The following ICE1 variants were observed in gnomAD, a reference collection of about 807,000 sequenced individuals.
ICE1 encodes the protein interactor of little elongation complex ELL subunit 1, also known as little elongation complex subunit 1.
Under a neutral mutation model 192.7 loss-of-function variants are expected in ICE1, and 64 were observed. That is an observed-to-expected ratio of 0.33 (90% CI 0.27 to 0.41). The LOEUF is 0.41. ICE1 is among the 10% of genes least tolerant of loss of function. The pLI is 1.00. For missense variants in ICE1, 2,708 were observed against 2,696.0 expected (o/e 1.00, Z -0.10); for synonymous variants, 1,010 against 984.5 (o/e 1.03, Z -0.49).
At chr5:5,443,348 G>A in intron 6 of ICE1, 104 bp downstream of exon 6, 1 of 604,890 alleles carries the variant, frequency 1.7e-6, no homozygotes, top group Non-Finnish European at 2.7e-6. Flanking sequence ...GGATTTCTTG[G>A]CCATAATTAG....
intron 1 of ICE1, among the ~76,000 whole-genome samples, chr5:5,429,143 A>C (rs1737619937): frequency 6.6e-6 from 1 of 152,136 alleles, no homozygotes; most frequent in African/African-American, 2.4e-5. Flanking sequence ...TTGTAACAGT[A>C]CTTGTGAAGT....
In ICE1 at chr5:5,447,414, A is replaced by C; in HGVS notation, c.425-13A>C. On this transcript the variant is annotated splice_polypyrimidine_tract_variant and intron_variant, in intron 7 of 18. Coordinates refer to ENST00000296564, the MANE Select transcript of ICE1 (RefSeq NM_015325.3). ...ATTATTTTTCTCTCCCTATTGCTTC[A>C]TTGGACTTAAAGAGGCTGCTGTCAA... The C allele has an allele frequency of 6.5e-7, 1 of 1,535,002 alleles. No homozygotes were observed. The highest frequency in any genetic ancestry group is 8.8e-7 in the Non-Finnish European group (1 of 1,134,118).
chr5:5,435,825 A>G (rs1019172893), intron 1 of ICE1, among the ~76,000 whole-genome samples: 2 of 151,842 alleles, frequency 1.3e-5, no homozygotes, highest in African/African-American at 4.8e-5. Flanking sequence ...GCCCACCAAC[A>G]CACCTGGCTA....
In ICE1 at chr5:5,422,927, C is replaced by T; in HGVS notation, c.12C>T (p.Gly4=). The T allele has an allele frequency of 6.9e-7, 1 of 1,442,620 alleles. No individual in the cohort carries two copies. The highest frequency in any genetic ancestry group is 2.4e-4 in the Middle Eastern group (1 of 4,178). 89.4% of individuals were successfully genotyped at this position (1,442,620 alleles called of 1,614,324 possible). Reference sequence around the variant, plus strand: ...CCGGCGGCGGCACCATGATGCCGGGCGAGACCCATTCGGCGGCGCCCGGGA... The same window carrying T: ...CCGGCGGCGGCACCATGATGCCGGGTGAGACCCATTCGGCGGCGCCCGGGA... MMP[G]ETHSAAPGTA... is the part of the protein sequence containing the mutation. Residue 4 remains glycine (G), a synonymous_variant, in exon 1 of 19, where the codon GGC becomes GGT. Transcript: ENST00000296564.
chr5:5,426,447 C>CAA (rs569904155), intron 1 of ICE1, among the ~76,000 whole-genome samples: 1,076 of 69,032 alleles, frequency 0.016, 23 homozygotes, highest in African/African-American at 0.046. Flanking sequence ...GACTCCGTCT[C>CAA]AAAAAAAAAA....
chr5:5,454,689 T>A, intron 11 of ICE1, 51 bp downstream of exon 11: 1 of 1,390,616 alleles, frequency 7.2e-7, no homozygotes, highest in Non-Finnish European at 1.0e-6. Context: ...GTACAGAGCT[T>A]AACCATAGGC....
At chr5:5,444,953 C>T (rs892522398) in intron 7 of ICE1, among the ~76,000 whole-genome samples, 2 of 152,062 alleles carry the variant, frequency 1.3e-5, no homozygotes, top group Non-Finnish European at 2.9e-5. Context: ...CTTTTTCCTC[C>T]CTTCATTGTG....
At position 5,460,848 on chromosome 5, in the gene ICE1, C is replaced by G. The variant is rs1738750288; in HGVS notation, c.1514C>G (p.Thr505Ser). 1 of 1,614,046 alleles carries G rather than the reference C, an allele frequency of 6.2e-7. No homozygotes were observed. Among genetic ancestry groups the G allele is most frequent in the South Asian group, 1.1e-5 (1 of 91,090 alleles). The change falls in exon 13 of 19, where the codon ACT (threonine) becomes AGT (serine). Residue 505 changes from threonine (T) to serine (S), a missense_variant. By Grantham distance (58) the Thr-to-Ser change is moderately conservative. This residue lies in a region of ICE1 where 2,366 missense variants were observed against 2,276.6 expected (regional missense o/e 1.04). Coordinates refer to ENST00000296564, the MANE Select transcript of ICE1 (RefSeq NM_015325.3). ...VQTEKTIHKLTRGLCIERLSA... is the reference protein window; with the variant it reads ...VQTEKTIHKLSRGLCIERLSA... Reference sequence around the variant, plus strand: ...ACTGAGAAGACCATTCATAAACTCACTCGAGGTCTATGCATTGAGAGATTG... The same window carrying G: ...ACTGAGAAGACCATTCATAAACTCAGTCGAGGTCTATGCATTGAGAGATTG...
At chr5:5,453,546 T>G (rs1380258226) in intron 10 of ICE1, among the ~76,000 whole-genome samples, 2 of 152,174 alleles carry the variant, frequency 1.3e-5, no homozygotes, top group African/African-American at 4.8e-5. Context: ...AGTAAATGCT[T>G]AAGGTTAATT....
At chr5:5,473,017 A>G (rs1294785735) in intron 15 of ICE1, among the ~76,000 whole-genome samples, 2 of 152,210 alleles carry the variant, frequency 1.3e-5, no homozygotes, top group African/African-American at 4.8e-5. Flanking sequence ...TGTCCATATA[A>G]TTGGTTATTA....
Position 5,476,098 on chromosome 5 carries a change from T to G in ICE1, c.6520+19T>G. On this transcript the variant is annotated intron_variant, in intron 17 of 18. Transcript: ENST00000296564. ...CTGATTGGTAAGTTGTCTGTTTTAT[T>G]ATTGTTTTTTTCTTGTTATTGATAT... 7.0e-7 allele frequency: 1 copy of G among 1,437,148 alleles called. No homozygotes were observed. The highest frequency in any genetic ancestry group is 9.5e-7 in the Non-Finnish European group (1 of 1,049,050). 89.0% of individuals were successfully genotyped at this position (1,437,148 alleles called of 1,614,324 possible).
intron 1 of ICE1, 104 bp downstream of exon 1, chr5:5,423,103 T>C (rs1054708198): frequency 1.7e-6 from 1 of 597,068 alleles, no homozygotes; most frequent in African/African-American, 1.9e-5. Flanking sequence ...CTCAGTGCGC[T>C]GCTCTCCCTT....
At position 5,462,733 on chromosome 5, in the gene ICE1, A is replaced by T; in HGVS notation, c.3399A>T (p.Leu1133Phe). 6.2e-7 allele frequency: 1 copy of T among 1,613,788 alleles called. No individual in the cohort carries two copies. Among genetic ancestry groups the T allele is most frequent in the Non-Finnish European group, 8.5e-7 (1 of 1,179,762 alleles). The part of the protein sequence containing the change: ...QDAPDDSQKN[L>F]GDTDAAVAEV... Reference sequence around the variant, plus strand: ...CTCCTGATGACTCACAGAAAAATTTAGGAGACACAGATGCTGCTGTAGCCG... The same window carrying T: ...CTCCTGATGACTCACAGAAAAATTTTGGAGACACAGATGCTGCTGTAGCCG... The change falls in exon 13 of 19, where the codon TTA becomes TTT. Residue 1133 changes from leucine (L) to phenylalanine (F), a missense_variant. Transcript: ENST00000296564.
At chr5:5,431,475 C>T (rs1009804939) in intron 1 of ICE1, among the ~76,000 whole-genome samples, 1 of 152,236 alleles carries the variant, frequency 6.6e-6, no homozygotes, top group East Asian at 1.9e-4. Flanking sequence ...TCTTTCAGTA[C>T]CCCCTGAGAA....
chr5:5,475,023 C>T (rs1472744499), intron 16 of ICE1, among the ~76,000 whole-genome samples: 1 of 152,218 alleles, frequency 6.6e-6, no homozygotes, highest in Non-Finnish European at 1.5e-5. Context: ...ACAGAACAGT[C>T]TGTCCAGTGC....
At chr5:5,444,897 A>T (rs751693188) in intron 7 of ICE1, among the ~76,000 whole-genome samples, 3 of 152,134 alleles carry the variant, frequency 2.0e-5, no homozygotes, top group Non-Finnish European at 4.4e-5. Flanking sequence ...TCAGCTAATA[A>T]CCTTTCAGGA....
intron 10 of ICE1, 139 bp downstream of exon 10, chr5:5,448,036 G>T: frequency 1.6e-6 from 1 of 618,256 alleles, no homozygotes; most frequent in South Asian, 2.2e-5. Context: ...ATATATTATT[G>T]TGTCTTCATT....
At chr5:5,444,230 G>GA (rs199600206) in intron 6 of ICE1, 59 bp from the exon 7 acceptor site, 47,606 of 1,051,326 alleles carry the variant, frequency 0.045, 4,235 homozygotes, top group East Asian at 0.35. Flanking sequence ...CAAATTATAA[G>GA]GCATATTTTT....
intron 17 of ICE1, among the ~76,000 whole-genome samples, chr5:5,476,530 C>T (rs1739317394): frequency 6.6e-6 from 1 of 152,104 alleles, no homozygotes; most frequent in Non-Finnish European, 1.5e-5. Flanking sequence ...CTGGCACCTG[C>T]TTGGCTCGTG....
Sources: gnomAD v4.1 joint callset for allele counts (sites outside exome capture counted in the v4.1 genomes callset) on GRCh38, gnomAD v4.1.1 for gene constraint, gnomAD v4.1.1 regional missense constraint, MANE v1.5 for transcripts, NCBI Gene and HGNC (gene_info 2026-07-23, HGNC 2026-07-21) for gene names.